PSMB2: variants seen among roughly 807,000 people sequenced by gnomAD.
PSMB2 encodes the protein proteasome subunit beta type-2.
PSMB2 carries 13 observed loss-of-function variants against 25.7 expected under a neutral mutation model. That is an observed-to-expected ratio of 0.51 (90% CI 0.33 to 0.80). The LOEUF (loss-of-function observed/expected upper bound fraction) is 0.80. Ranked by LOEUF, PSMB2 falls within the 30% of genes least tolerant of loss-of-function variation. PSMB2 has a pLI of 0.02. For synonymous variants in PSMB2, 87 were observed against 96.2 expected (o/e 0.90, Z 0.56); for missense variants, 202 against 259.0 (o/e 0.78, Z 1.51).
chr1:35,615,786 G>A (rs1224684846), intron 3 of PSMB2, among the ~76,000 whole-genome samples: 5 of 152,208 alleles, frequency 3.3e-5, no homozygotes, highest in African/African-American at 1.2e-4. Flanking sequence ...GGAGAATGGT[G>A]CAATTTCTTT....
chr1:35,635,319 C>T (rs1651214890), intron 2 of PSMB2, among the ~76,000 whole-genome samples: 2 of 150,464 alleles, frequency 1.3e-5, no homozygotes, highest in Admixed American at 6.6e-5. Context: ...ATTGCTCAGG[C>T]TAGTCTTAAA....
chr1:35,624,032 A>C (rs1650774848), intron 3 of PSMB2, among the ~76,000 whole-genome samples: 1 of 152,206 alleles, frequency 6.6e-6, no homozygotes, highest in East Asian at 1.9e-4. Context: ...CTAGGACAGG[A>C]GCATGCTATA....
intron 2 of PSMB2, among the ~76,000 whole-genome samples, chr1:35,635,760 C>T (rs753936430): frequency 3.1e-5 from 4 of 130,816 alleles, no homozygotes; most frequent in East Asian, 5.0e-4. Flanking sequence ...ACCTGGGAGG[C>T]GGAGGTTGCA....
At chr1:35,607,744 C>A (rs1339701118) in intron 4 of PSMB2, among the ~76,000 whole-genome samples, 3 of 152,090 alleles carry the variant, frequency 2.0e-5, no homozygotes, top group Admixed American at 2.0e-4. Context: ...AAATATTGCA[C>A]CCCAGTGTTT....
chr1:35,602,900 G>A lies in PSMB2; in HGVS notation c.*367C>T. 2 of 989,588 alleles carry A rather than the reference G, an allele frequency of 2.0e-6. No individual in the cohort carries two copies. The highest frequency in any genetic ancestry group is 2.4e-6 in the Non-Finnish European group (2 of 828,454). 61.3% of individuals were successfully genotyped at this position (989,588 alleles called of 1,614,324 possible). A position where few individuals can be genotyped will look rare whatever the true frequency, so the allele number is the denominator to read the frequency against. ...ATTAATTTAAAAATTTAAGTTTAAG[G>A]GCAAAAAGAACCACTACTTTAGAGA... On this transcript the variant is annotated 3_prime_UTR_variant, in exon 6 of 6. Coordinates refer to ENST00000373237, the MANE Select transcript of PSMB2 (RefSeq NM_002794.5).
At position 35,603,313 on chromosome 1, in the gene PSMB2, C is replaced by T. The variant is rs1804237; in HGVS notation, c.560G>A (p.Gly187Asp). Residue 187 changes from glycine to aspartate, a missense_variant, in exon 6 of 6, where the codon GGC becomes GAC. Coordinates refer to ENST00000373237, the MANE Select transcript of PSMB2 (RefSeq NM_002794.5). ...GGAAATGTTATCCAGGTCATGGATG[C>T]CATTTTTGTCAATGATTCGAACACT... The part of the protein sequence containing the change: ...TFSVRIIDKN[G>D]IHDLDNISFP... The T allele has an allele frequency of 1.2e-6, 2 of 1,613,968 alleles. No individual in the cohort carries two copies. The highest frequency in any genetic ancestry group is 8.5e-7 in the Non-Finnish European group (1 of 1,179,888).
chr1:35,630,820 TA>T, intron 3 of PSMB2, among the ~76,000 whole-genome samples: 1 of 152,334 alleles, frequency 6.6e-6, no homozygotes, highest in Admixed American at 6.5e-5. Flanking sequence ...AAGTAAACCC[TA>T]ATGTAAACTA....
At chr1:35,626,845 T>C (rs533997616) in intron 3 of PSMB2, among the ~76,000 whole-genome samples, 14 of 152,302 alleles carry the variant, frequency 9.2e-5, no homozygotes, top group Non-Finnish European at 2.1e-4. Flanking sequence ...TGATGTCTAA[T>C]ACAATAGTTG....
chr1:35,628,393 G>T (rs757696218), intron 3 of PSMB2, among the ~76,000 whole-genome samples: 8 of 151,036 alleles, frequency 5.3e-5, no homozygotes, highest in Non-Finnish European at 7.4e-5. Context: ...TATTTATTGT[G>T]CCCAAAGCTG....
chr1:35,630,314 C>CTA (rs577713390), intron 3 of PSMB2, among the ~76,000 whole-genome samples: 39 of 152,290 alleles, frequency 2.6e-4, no homozygotes, highest in African/African-American at 9.1e-4. Flanking sequence ...CGTACTCTTA[C>CTA]TATATGATCC....
intron 3 of PSMB2, among the ~76,000 whole-genome samples, chr1:35,622,749 A>AG (rs1389542349): frequency 1.3e-5 from 2 of 150,234 alleles, no homozygotes; most frequent in African/African-American, 4.9e-5. Flanking sequence ...AGGGAAGGGG[A>AG]GGGGGAGGAC....
chr1:35,633,050 T>C (rs1248191590), intron 2 of PSMB2, among the ~76,000 whole-genome samples: 1 of 151,792 alleles, frequency 6.6e-6, no homozygotes, highest in African/African-American at 2.4e-5. Flanking sequence ...CGAAACTCTG[T>C]CTCTACTTAA....
intron 3 of PSMB2, among the ~76,000 whole-genome samples, chr1:35,625,681 GAA>G (rs1650834467): frequency 6.6e-6 from 1 of 151,400 alleles, no homozygotes; most frequent in Admixed American, 6.6e-5. Flanking sequence ...AGAATGGCAT[GAA>G]CCCGGGAGGT....
At chr1:35,637,865 T>C (rs1399898597) in intron 1 of PSMB2, among the ~76,000 whole-genome samples, 1 of 152,202 alleles carries the variant, frequency 6.6e-6, no homozygotes, top group Non-Finnish European at 1.5e-5. Flanking sequence ...TTCACTTATA[T>C]TATCTATGCA....
rs1041826231 is a variant in PSMB2 at position 35,601,741 on chromosome 1, T to C, written c.*1526A>G. The C allele has an allele frequency of 2.0e-6, 2 of 985,282 alleles. No individual in the cohort carries two copies. The highest frequency in any genetic ancestry group is 1.2e-6 in the Non-Finnish European group (1 of 829,926). 61.0% of individuals were successfully genotyped at this position (985,282 alleles called of 1,614,324 possible). On this transcript the variant is annotated 3_prime_UTR_variant, in exon 6 of 6. Transcript: ENST00000373237. ...GGGTTTATCTTAGTCGGAGACCAAATGGTTTTGATATGTGGTTCCTAGACC... is the reference window on the plus strand; with the variant it reads ...GGGTTTATCTTAGTCGGAGACCAAACGGTTTTGATATGTGGTTCCTAGACC...
intron 5 of PSMB2, among the ~76,000 whole-genome samples, chr1:35,604,217 T>C (rs1365366820): frequency 6.6e-6 from 1 of 152,144 alleles, no homozygotes; most frequent in African/African-American, 2.4e-5. Context: ...CTAATGTGGC[T>C]GGTTTTTGAC....
chr1:35,627,370 A>G (rs1398967002), intron 3 of PSMB2, among the ~76,000 whole-genome samples: 2 of 152,062 alleles, frequency 1.3e-5, no homozygotes, highest in African/African-American at 4.8e-5. Context: ...TAAAAACACA[A>G]GTGGGCTGGG....
chr1:35,641,294 C>T, intron 1 of PSMB2, 48 bp downstream of exon 1: 2 of 1,610,460 alleles, frequency 1.2e-6, no homozygotes, highest in Non-Finnish European at 1.7e-6. Context: ...CTCCTTCTGG[C>T]CGCTCCTACA....
At chr1:35,609,450 CA>C (rs1440155015) in intron 3 of PSMB2, 42 bp from the exon 4 acceptor site, 3 of 1,394,504 alleles carry the variant, frequency 2.2e-6, no homozygotes, top group Non-Finnish European at 2.9e-6. Context: ...TAAAGCAGAA[CA>C]CCAACATCTC....
Sources: allele counts gnomAD v4.1 joint callset (sites outside exome capture counted in the v4.1 genomes callset), GRCh38; gene constraint gnomAD v4.1.1; transcripts MANE v1.5; gene names NCBI Gene and HGNC (gene_info 2026-07-23, HGNC 2026-07-21).